CACNA2D2: variants seen among roughly 807,000 people sequenced by gnomAD.
CACNA2D2 encodes calcium voltage-gated channel auxiliary subunit alpha2delta 2.
Under a neutral mutation model 166.4 loss-of-function variants are expected in CACNA2D2, and 48 were observed. That is an observed-to-expected ratio of 0.29 (90% CI 0.23 to 0.37). CACNA2D2 has a LOEUF of 0.37. CACNA2D2 is among the 10% of genes least tolerant of loss of function. The pLI is 1.00. For synonymous variants in CACNA2D2, 561 were observed against 573.7 expected (o/e 0.98, Z 0.32); for missense variants, 1,122 against 1,433.0 (o/e 0.78, Z 3.50).
intron 4 of CACNA2D2, among the ~76,000 whole-genome samples, chr3:50,388,631 G>A (rs909809207): frequency 1.2e-4 from 19 of 152,202 alleles, no homozygotes; most frequent in African/African-American, 4.3e-4. Flanking sequence ...GATGTCGCCC[G>A]GACACCCGCT....
intron 3 of CACNA2D2, among the ~76,000 whole-genome samples, chr3:50,397,509 T>C (rs1706221855): frequency 6.6e-6 from 1 of 152,138 alleles, no homozygotes; most frequent in African/African-American, 2.4e-5. Flanking sequence ...AGCCTGGACC[T>C]TGAAGCCCCC....
intron 4 of CACNA2D2, among the ~76,000 whole-genome samples, chr3:50,388,831 G>T (rs1315497085): frequency 6.6e-6 from 1 of 152,224 alleles, no homozygotes; most frequent in Admixed American, 6.5e-5. Flanking sequence ...GGGTCTAGGG[G>T]CTGCAGGCCA....
intron 2 of CACNA2D2, among the ~76,000 whole-genome samples, chr3:50,448,633 T>G (rs1387380933): frequency 6.6e-6 from 1 of 152,054 alleles, no homozygotes; most frequent in Non-Finnish European, 1.5e-5. Flanking sequence ...GTAAGGTGCA[T>G]GTGTTCCTGA....
chr3:50,374,412 G>C (rs1290283233), intron 22 of CACNA2D2, among the ~76,000 whole-genome samples: 1 of 146,874 alleles, frequency 6.8e-6, no homozygotes, highest in Non-Finnish European at 1.5e-5. Context: ...GAAGGTAAGG[G>C]GAGGGGGTGT....
intron 2 of CACNA2D2, among the ~76,000 whole-genome samples, chr3:50,473,484 G>C (rs1415716068): frequency 6.6e-6 from 1 of 152,214 alleles, no homozygotes; most frequent in Non-Finnish European, 1.5e-5. Flanking sequence ...TTCAGAATCA[G>C]CTCAAGGAGG....
intron 1 of CACNA2D2, among the ~76,000 whole-genome samples, chr3:50,489,814 AG>A (rs374237965): frequency 4.8e-4 from 73 of 152,236 alleles, no homozygotes; most frequent in African/African-American, 1.6e-3. Context: ...ATGGCAGGGG[AG>A]CCTGGGGGCC....
intron 2 of CACNA2D2, among the ~76,000 whole-genome samples, chr3:50,472,982 T>G (rs1395181495): frequency 6.6e-6 from 1 of 152,186 alleles, no homozygotes; most frequent in East Asian, 1.9e-4. Flanking sequence ...TCTATACTTT[T>G]GTGGCCTATT....
In CACNA2D2 at chr3:50,418,896, G is replaced by C. The variant is rs542348423; in HGVS notation, c.405+15417C>G. 4.6e-5 allele frequency among the ~76,000 whole-genome samples: 7 copies of C among 152,348 alleles called. No individual in the cohort carries two copies. In the South Asian group the frequency reaches 6.2e-4, roughly 14 times the overall value. ...GGGTATGGAGGGGAGCCTGGCCTCT[G>C]GGGGAGGGAGATATGCAACCATGGG... On this transcript the variant is annotated intron_variant, in intron 3 of 37. Transcript: ENST00000424201.
chr3:50,468,118 A>C (rs1370479167), intron 2 of CACNA2D2, among the ~76,000 whole-genome samples: 1 of 152,216 alleles, frequency 6.6e-6, no homozygotes, highest in African/African-American at 2.4e-5. Flanking sequence ...AACTGTCCCC[A>C]GGGGGCCGAG....
intron 13 of CACNA2D2, among the ~76,000 whole-genome samples, chr3:50,378,595 T>C (rs941771501): frequency 6.6e-6 from 1 of 152,198 alleles, no homozygotes; most frequent in Admixed American, 6.5e-5. Context: ...TCCCTCATTT[T>C]AGGGTGCAAT....
At chr3:50,456,044 T>C (rs745381036) in intron 2 of CACNA2D2, among the ~76,000 whole-genome samples, 5 of 152,160 alleles carry the variant, frequency 3.3e-5, no homozygotes, top group African/African-American at 7.2e-5. Context: ...TCTGCAGCCC[T>C]ACATATACAC....
intron 2 of CACNA2D2, among the ~76,000 whole-genome samples, chr3:50,473,399 G>A (rs572038363): frequency 6.6e-6 from 1 of 152,364 alleles, no homozygotes; most frequent in Admixed American, 6.5e-5. Context: ...ATGGAGGCAC[G>A]CAGGCTGGGC....
At chr3:50,474,800 A>G (rs1710239791) in intron 2 of CACNA2D2, among the ~76,000 whole-genome samples, 1 of 152,124 alleles carries the variant, frequency 6.6e-6, no homozygotes, top group African/African-American at 2.4e-5. Flanking sequence ...GCTATTCCTG[A>G]GCCTAAATTG....
chr3:50,407,999 T>C (rs1377252877), intron 3 of CACNA2D2, among the ~76,000 whole-genome samples: 2 of 152,156 alleles, frequency 1.3e-5, no homozygotes. Context: ...CTTATGAACA[T>C]GGCCCAGCCT....
At position 50,427,559 on chromosome 3, in the gene CACNA2D2, C is replaced by T. The variant is rs1271123521; in HGVS notation, c.405+6754G>A. On this transcript the variant is annotated intron_variant, in intron 3 of 37. Coordinates refer to ENST00000424201, the MANE Select transcript of CACNA2D2 (RefSeq NM_006030.4). The surrounding 1 kb of genome is among the most constrained non-coding windows in gnomAD (Gnocchi z 4.7). ...GGAAGGGTCAAGATCTCTTAATGTT[C>T]ATAATGGAGGGGAGGCAGAAGCCAT... Among the ~76,000 whole-genome samples the T allele has an allele frequency of 6.6e-6, 1 of 152,226 alleles. No homozygotes were observed. Among genetic ancestry groups the T allele is most frequent in the Admixed American group, 6.5e-5 (1 of 15,284 alleles).
chr3:50,396,929 G>A (rs959466599), intron 3 of CACNA2D2, among the ~76,000 whole-genome samples: 5 of 152,214 alleles, frequency 3.3e-5, no homozygotes, highest in East Asian at 3.9e-4. Flanking sequence ...GGCTGCAGAC[G>A]CCACACTGAC....
At chr3:50,433,385 G>A (rs564087927) in intron 3 of CACNA2D2, among the ~76,000 whole-genome samples, 2 of 151,966 alleles carry the variant, frequency 1.3e-5, no homozygotes, top group East Asian at 1.9e-4. Context: ...AAGAGATGAG[G>A]TTTTTACTCT....
At chr3:50,392,729 G>A (rs777745065) in intron 4 of CACNA2D2, among the ~76,000 whole-genome samples, 26 of 152,348 alleles carry the variant, frequency 1.7e-4, no homozygotes, top group Non-Finnish European at 2.6e-4. Flanking sequence ...GAGCTCACAG[G>A]CAGCACTGGC....
intron 2 of CACNA2D2, among the ~76,000 whole-genome samples, chr3:50,451,558 G>C (rs1334810350): frequency 6.6e-6 from 1 of 152,204 alleles, no homozygotes; most frequent in Non-Finnish European, 1.5e-5. Context: ...AGGCTGAGCA[G>C]ATACCCTCTG....
Sources: gnomAD v4.1 joint callset for allele counts (sites outside exome capture counted in the v4.1 genomes callset) on GRCh38, gnomAD v4.1.1 for gene constraint, Gnocchi (gnomAD v3.1) non-coding constraint, MANE v1.5 for transcripts, NCBI Gene and HGNC (gene_info 2026-07-23, HGNC 2026-07-21) for gene names.